The following NBEA variants were observed in gnomAD, a reference collection of about 807,000 sequenced individuals.
The protein encoded by NBEA is neurobeachin, also known as lysosomal-trafficking regulator 2.
A neutral mutation model predicts 343.4 loss-of-function variants in NBEA; 44 were observed. The ratio of observed to expected loss-of-function variants is 0.13; its 90% CI spans 0.10 to 0.16. The LOEUF is 0.16. NBEA is among the 10% of genes least tolerant of loss of function. The pLI, the probability that NBEA is intolerant of heterozygous loss-of-function variation, is 1.00. For missense variants in NBEA, 2,555 were observed against 3,631.3 expected (o/e 0.70, Z 7.62); for synonymous variants, 1,175 against 1,238.7 (o/e 0.95, Z 1.08).
intron 31 of NBEA, among the ~76,000 whole-genome samples, chr13:35,202,548 A>G (rs1024745323): frequency 3.3e-5 from 5 of 152,152 alleles, no homozygotes; most frequent in African/African-American, 1.2e-4. Context: ...TACACAGATA[A>G]GATAGTATCC....
At chr13:35,519,568 T>C (rs570530955) in intron 41 of NBEA, among the ~76,000 whole-genome samples, 2 of 152,332 alleles carry the variant, frequency 1.3e-5, no homozygotes, top group South Asian at 4.1e-4. Flanking sequence ...GCCTTGTAAA[T>C]AGCATTCAGT....
chr13:35,035,162 A>T (rs1347843953), intron 1 of NBEA, among the ~76,000 whole-genome samples: 2 of 151,626 alleles, frequency 1.3e-5, no homozygotes, highest in Non-Finnish European at 3.0e-5. Context: ...ACTTATAAAC[A>T]TCCCTCTTAG....
At chr13:35,413,529 A>G (rs1329388300) in intron 38 of NBEA, among the ~76,000 whole-genome samples, 1 of 152,100 alleles carries the variant, frequency 6.6e-6, no homozygotes, top group Non-Finnish European at 1.5e-5. Flanking sequence ...AGGGGCCAGG[A>G]GGCTTTAAGG....
chr13:35,504,889 G>C (rs2077017764), intron 41 of NBEA, among the ~76,000 whole-genome samples: 1 of 152,106 alleles, frequency 6.6e-6, no homozygotes, highest in African/African-American at 2.4e-5. Flanking sequence ...TGGGATTACA[G>C]GCGTGAGCCA....
intron 45 of NBEA, among the ~76,000 whole-genome samples, chr13:35,570,358 T>C (rs1028490588): frequency 6.6e-6 from 1 of 152,218 alleles, no homozygotes; most frequent in South Asian, 2.1e-4. Flanking sequence ...TATGCTAATC[T>C]GTGTAATGTG....
intron 39 of NBEA, among the ~76,000 whole-genome samples, chr13:35,447,808 C>T (rs1458779744): frequency 6.6e-6 from 1 of 152,184 alleles, no homozygotes; most frequent in Non-Finnish European, 1.5e-5. Flanking sequence ...CTCAGTCCAA[C>T]ATGTCTTCTG....
intron 35 of NBEA, among the ~76,000 whole-genome samples, chr13:35,299,485 T>C (rs1372647994): frequency 6.6e-6 from 1 of 152,152 alleles, no homozygotes; most frequent in Non-Finnish European, 1.5e-5. Flanking sequence ...TTCTGGAACT[T>C]ATTTGTCTTC....
chr13:35,161,437 G>A (rs1193732813), intron 22 of NBEA, among the ~76,000 whole-genome samples: 1 of 152,100 alleles, frequency 6.6e-6, no homozygotes, highest in African/African-American at 2.4e-5. Context: ...AGGAAGTAAT[G>A]TGGTCTAATT....
intron 34 of NBEA, among the ~76,000 whole-genome samples, chr13:35,254,453 G>T (rs978768471): frequency 1.3e-5 from 2 of 151,380 alleles, no homozygotes; most frequent in South Asian, 4.2e-4. Context: ...CCTAGCCTGG[G>T]ACAACAGGTG....
chr13:35,408,988 T>C (rs2043428149), intron 38 of NBEA, among the ~76,000 whole-genome samples: 2 of 152,132 alleles, frequency 1.3e-5, no homozygotes, highest in South Asian at 2.1e-4. Context: ...AGCAATCCCA[T>C]TACTGGGTAT....
At chr13:35,273,372 A>G (rs1194118900) in intron 34 of NBEA, among the ~76,000 whole-genome samples, 1 of 152,236 alleles carries the variant, frequency 6.6e-6, no homozygotes, top group Non-Finnish European at 1.5e-5. Context: ...AGGGAAATTT[A>G]TAGCACTAAA....
chr13:35,082,808 C>A (rs1381345188), intron 10 of NBEA, among the ~76,000 whole-genome samples: 1 of 152,042 alleles, frequency 6.6e-6, no homozygotes, highest in Non-Finnish European at 1.5e-5. Context: ...ATTGTAGATT[C>A]TGGACATTAG....
rs541398659 is a variant in NBEA at position 35,188,249 on chromosome 13, A to AT, written c.4927+4192dup. On this transcript the variant is annotated intron_variant, in intron 30 of 58. Coordinates refer to ENST00000379939, the MANE Select transcript of NBEA (RefSeq NM_001385012.1). ...TAATGTCTTCATCACCTCACGTATC[A>AT]TTTTTTTTTTTTTTGTGGTAAGAAT... Among the ~76,000 whole-genome samples, 459 of 142,090 alleles carry AT rather than the reference A, an allele frequency of 3.2e-3. 2 individuals carry two copies. Among genetic ancestry groups the AT allele is most frequent in the Middle Eastern group, 0.015 (4 of 272 alleles). The allele number at this position is 142,090 out of a possible 152,430, so 93.2% of individuals were successfully genotyped here.
chr13:35,210,977 C>G lies in NBEA; in HGVS notation c.5522-76C>G, dbSNP rs986440597. 4.9e-6 allele frequency: 7 copies of G among 1,417,434 alleles called. No homozygotes were observed. In the African/African-American group the frequency reaches 1.0e-4, roughly 21 times the overall value. 87.8% of individuals were successfully genotyped at this position (1,417,434 alleles called of 1,614,324 possible). ...ATCTGATGAGTAATTCTTTCAAAATCAGATAGTAATGGTGTAATTAAAATT... is the reference window on the plus strand; with the variant it reads ...ATCTGATGAGTAATTCTTTCAAAATGAGATAGTAATGGTGTAATTAAAATT... On this transcript the variant is annotated intron_variant, in intron 32 of 58. Coordinates refer to ENST00000379939, the MANE Select transcript of NBEA (RefSeq NM_001385012.1).
At chr13:35,654,171 C>T (rs944991202) in intron 53 of NBEA, among the ~76,000 whole-genome samples, 2 of 152,190 alleles carry the variant, frequency 1.3e-5, no homozygotes, top group African/African-American at 4.8e-5. Flanking sequence ...CAGATGGTGT[C>T]TCTGAGTTCC....
intron 33 of NBEA, among the ~76,000 whole-genome samples, chr13:35,213,234 C>G (rs1289762633): frequency 6.6e-6 from 1 of 152,014 alleles, no homozygotes; most frequent in East Asian, 1.9e-4. Context: ...CTTCTTTTCC[C>G]TGTGTTCTGT....
At chr13:35,667,912 C>A (rs972766169) in intron 57 of NBEA, among the ~76,000 whole-genome samples, 11 of 152,154 alleles carry the variant, frequency 7.2e-5, no homozygotes, top group African/African-American at 2.2e-4. Context: ...ATCTCTAGAA[C>A]CCTAAACAAA....
At chr13:34,966,852 G>C (rs1176641898) in intron 1 of NBEA, among the ~76,000 whole-genome samples, 1 of 151,732 alleles carries the variant, frequency 6.6e-6, no homozygotes, top group African/African-American at 2.4e-5. Flanking sequence ...CCACAGATGA[G>C]GTTTGCATAT....
chr13:35,522,881 C>T (rs903582856), intron 41 of NBEA, among the ~76,000 whole-genome samples: 6 of 151,964 alleles, frequency 3.9e-5, no homozygotes, highest in African/African-American at 1.2e-4. Context: ...GATTGTCTTC[C>T]GTGGAACGGG....
Sources: allele counts gnomAD v4.1 joint callset (sites outside exome capture counted in the v4.1 genomes callset), GRCh38; gene constraint gnomAD v4.1.1; transcripts MANE v1.5; gene names NCBI Gene and HGNC (gene_info 2026-07-23, HGNC 2026-07-21).